RHBG: variants seen among roughly 807,000 people sequenced by gnomAD.
RHBG encodes the protein ammonium transporter Rh type B.
A neutral mutation model predicts 40.1 loss-of-function variants in RHBG; 39 were observed. The observed-to-expected ratio is 0.97, with a 90% CI of 0.75 to 1.27. RHBG has a LOEUF of 1.27. Ranked by LOEUF, RHBG falls within the 50% of genes most tolerant of loss-of-function variation. The pLI, the probability that RHBG is intolerant of heterozygous loss-of-function variation, is 0.00. For missense variants in RHBG, 549 were observed against 588.1 expected (o/e 0.93, Z 0.69); for synonymous variants, 237 against 252.5 (o/e 0.94, Z 0.58).
At chr1:156,380,319 C>G (rs1272390588) in intron 4 of RHBG, among the ~76,000 whole-genome samples, 1 of 151,888 alleles carries the variant, frequency 6.6e-6, no homozygotes, top group Non-Finnish European at 1.5e-5. Flanking sequence ...TTAGGCTGGT[C>G]TCGAACCCCG....
intron 4 of RHBG, among the ~76,000 whole-genome samples, chr1:156,380,853 T>G (rs1460478434): frequency 6.6e-6 from 1 of 152,162 alleles, no homozygotes; most frequent in Non-Finnish European, 1.5e-5. Context: ...CCATGGGCTA[T>G]GCATTTATGT....
At position 156,377,936 on chromosome 1, in the gene RHBG, C is replaced by T. The variant is rs1667328932; in HGVS notation, c.375-54C>T. On this transcript the variant is annotated intron_variant, in intron 2 of 9. Coordinates refer to ENST00000537040, the MANE Select transcript of RHBG (RefSeq NM_020407.5). The surrounding 1 kb of genome is among the most constrained non-coding windows in gnomAD (Gnocchi z 4.6). ...CCTGGCTTCATGCCAGGCAGGAACC[C>T]CGAGGCCAGCCTCTCTGACCCCTCT... 2.0e-6 allele frequency: 3 copies of T among 1,501,788 alleles called. No individual in the cohort carries two copies. Among genetic ancestry groups the T allele is most frequent in the Non-Finnish European group, 2.7e-6 (3 of 1,122,230 alleles). 93.0% of individuals were successfully genotyped at this position (1,501,788 alleles called of 1,614,324 possible).
rs1233866143 is a variant in RHBG at position 156,382,763 on chromosome 1, T to C, written c.1128T>C (p.Phe376=). 6.2e-7 allele frequency: 1 copy of C among 1,614,142 alleles called. No individual in the cohort carries two copies. The highest frequency in any genetic ancestry group is 1.1e-5 in the South Asian group (1 of 91,082). Residue 376 remains phenylalanine (F), a synonymous_variant, in exon 8 of 10, where the codon TTT becomes TTC. Transcript: ENST00000537040. ...EAYGDGLESV[F]PLIAEGQRSA... is the part of the protein sequence containing the mutation. ...CTCCCTGCAGCCTGGAGAGTGTGTT[T>C]CCACTCATAGCCGAGGGCCAGCGCA...
chr1:156,369,509 G>A (rs2101742636), intron 1 of RHBG, 73 bp downstream of exon 1: 1 of 1,445,000 alleles, frequency 6.9e-7, no homozygotes, highest in East Asian at 2.5e-5. Flanking sequence ...GTCTTGGGAG[G>A]GAGCATTTGG....
intron 8 of RHBG, 32 bp downstream of exon 8, chr1:156,382,901 G>T (rs574305184): frequency 1.9e-6 from 3 of 1,613,852 alleles, no homozygotes; most frequent in Non-Finnish European, 2.5e-6. Context: ...AGAGGAAGGG[G>T]CATGGGATCC....
At chr1:156,375,093 CAG>C (rs1667095959) in intron 1 of RHBG, among the ~76,000 whole-genome samples, 1 of 147,008 alleles carries the variant, frequency 6.8e-6, no homozygotes, top group African/African-American at 2.5e-5. Context: ...TTTTTTGAGA[CAG>C]AGTTTCGCTC....
rs949879394 is a variant in RHBG at position 156,381,424 on chromosome 1, G to A, written c.751G>A (p.Ala251Thr). ...GCTGGGGGCTGGGCAGCATCGGACGGCCCTCAACACATACTACTCCCTGGC... is the reference window on the plus strand; with the variant it reads ...GCTGGGGGCTGGGCAGCATCGGACGACCCTCAACACATACTACTCCCTGGC... ...TALGAGQHRT[A>T]LNTYYSLAAS... Residue 251 changes from alanine (A) to threonine (T), a missense_variant, in exon 5 of 10, where the codon GCC becomes ACC. Ala to Thr is a moderately conservative substitution (Grantham distance 58). Coordinates refer to ENST00000537040, the MANE Select transcript of RHBG (RefSeq NM_020407.5). 3.1e-6 allele frequency: 5 copies of A among 1,614,122 alleles called. No individual in the cohort carries two copies. In the East Asian group the frequency reaches 1.1e-4, roughly 36 times the overall value.
Position 156,377,227 on chromosome 1 carries a change from C to T in RHBG, c.188-74C>T. ...GGCTGGTGAGAGCCAGGGGCACTGG[C>T]AGGGTAGCTGACTGGATTGTGGGCT... is the stretch of plus-strand genomic sequence containing the variant. On this transcript the variant is annotated intron_variant, in intron 1 of 9. Transcript: ENST00000537040. This position sits in a 1 kb window ranked among gnomAD's most constrained non-coding sequence, Gnocchi z 4.6. 1 of 1,498,448 alleles carries T rather than the reference C, an allele frequency of 6.7e-7. No homozygotes were observed. The highest frequency in any genetic ancestry group is 9.2e-7 in the Non-Finnish European group (1 of 1,090,744). The allele number at this position is 1,498,448 out of a possible 1,614,324, so 92.8% of individuals were successfully genotyped here.
rs56353055 is a variant in RHBG at position 156,377,518 on chromosome 1, A to G, written c.374+31A>G. ...CAGCCGCCACCCACCCAGCTCCCCA[A>G]GGTTCACTCGGGAGGCCCCTGCCCA... On this transcript the variant is annotated intron_variant, in intron 2 of 9. Coordinates refer to ENST00000537040, the MANE Select transcript of RHBG (RefSeq NM_020407.5). This position sits in a 1 kb window ranked among gnomAD's most constrained non-coding sequence, Gnocchi z 4.6. The G allele has an allele frequency of 0.074, 117,518 of 1,590,714 alleles. 4,831 individuals are homozygous for G. Among genetic ancestry groups the G allele is most frequent in the African/African-American group, 0.13 (9,500 of 74,584 alleles).
chr1:156,381,510 C>G lies in RHBG; in HGVS notation c.837C>G (p.Asp279Glu), dbSNP rs774425821. 5 of 1,608,042 alleles carry G rather than the reference C, an allele frequency of 3.1e-6. No individual in the cohort carries two copies. The highest frequency in any genetic ancestry group is 4.2e-6 in the Non-Finnish European group (5 of 1,176,654). ...SALVGEDGRL[D>E]MVHIQNAALA... ...TTGTAGGGGAAGATGGGAGGCTTGA[C>G]ATGGTATGGGGAAGAGGACTTCAGA... The change falls in exon 5 of 10, where the codon GAC becomes GAG. Residue 279 changes from aspartate (D) to glutamate (E), a missense_variant. Physicochemically the swap from Asp to Glu is conservative, Grantham distance 45. Coordinates refer to ENST00000537040, the MANE Select transcript of RHBG (RefSeq NM_020407.5).
chr1:156,382,780 G>A lies in RHBG; in HGVS notation c.1145G>A (p.Gly382Asp), dbSNP rs1667752766. Residue 382 changes from glycine (G) to aspartate (D), a missense_variant, in exon 8 of 10, where the codon GGC (glycine) becomes GAC (aspartate). Physicochemically the swap from Gly to Asp is moderately conservative, Grantham distance 94. This residue lies in a region of RHBG where 399 missense variants were observed against 417.0 expected (regional missense o/e 0.96). Transcript: ENST00000537040. ...LESVFPLIAE[G>D]QRSATSQAMH... ...AGTGTGTTTCCACTCATAGCCGAGGGCCAGCGCAGTGCCACGTCACAGGCC... is the reference window on the plus strand; with the variant it reads ...AGTGTGTTTCCACTCATAGCCGAGGACCAGCGCAGTGCCACGTCACAGGCC... 2 of 1,614,092 alleles carry A rather than the reference G, an allele frequency of 1.2e-6. No homozygotes were observed. The highest frequency in any genetic ancestry group is 2.2e-5 in the East Asian group (1 of 44,896).
At position 156,377,899 on chromosome 1, in the gene RHBG, A is replaced by G. The variant is rs1324154493; in HGVS notation, c.375-91A>G. 1.1e-6 allele frequency: 1 copy of G among 939,614 alleles called. No homozygotes were observed. The highest frequency in any genetic ancestry group is 1.7e-5 in the African/African-American group (1 of 59,716). 58.2% of individuals were successfully genotyped at this position (939,614 alleles called of 1,614,324 possible). ...GAACTCCAACCCCACCCCACCCACC[A>G]CATCATGCTGTCCTGGCTTCATGCC... On this transcript the variant is annotated intron_variant, in intron 2 of 9. Transcript: ENST00000537040. This position sits in a 1 kb window ranked among gnomAD's most constrained non-coding sequence, Gnocchi z 4.6.
At chr1:156,373,762 C>G (rs1271957986) in intron 1 of RHBG, among the ~76,000 whole-genome samples, 1 of 152,126 alleles carries the variant, frequency 6.6e-6, no homozygotes, top group Non-Finnish European at 1.5e-5. Flanking sequence ...AGCCCTTGGA[C>G]CCAACACCCT....
At chr1:156,370,040 C>T (rs1241750029) in intron 1 of RHBG, among the ~76,000 whole-genome samples, 2 of 152,140 alleles carry the variant, frequency 1.3e-5, no homozygotes, top group Non-Finnish European at 2.9e-5. Context: ...GGCAACTGGC[C>T]AGTCGTGGTG....
rs756696678 is a variant in RHBG at position 156,381,435 on chromosome 1, A to T, written c.762A>T (p.Thr254=). 1.1e-5 allele frequency: 18 copies of T among 1,613,860 alleles called. No homozygotes were observed. Among genetic ancestry groups the T allele is most frequent in the Non-Finnish European group, 1.5e-5 (18 of 1,180,008 alleles). ...GGCAGCATCGGACGGCCCTCAACAC[A>T]TACTACTCCCTGGCTGCCAGCACCC... ...GAGQHRTALN[T]YYSLAASTLG... is the part of the protein sequence containing the mutation. The change falls in exon 5 of 10, where the codon ACA becomes ACT. Residue 254 remains threonine (T), a synonymous_variant. Coordinates refer to ENST00000537040, the MANE Select transcript of RHBG (RefSeq NM_020407.5).
At chr1:156,381,680 A>G (rs1667647625) in intron 5 of RHBG, 126 bp from the exon 6 acceptor site, 1 of 1,406,572 alleles carries the variant, frequency 7.1e-7, no homozygotes, top group South Asian at 1.4e-5. Flanking sequence ...ATATGGTAGC[A>G]GGACAATGAG....
intron 5 of RHBG, 114 bp from the exon 6 acceptor site, chr1:156,381,692 G>A: frequency 6.9e-7 from 1 of 1,439,692 alleles, no homozygotes; most frequent in Non-Finnish European, 9.4e-7. Context: ...GACAATGAGA[G>A]GTTAGATGGC....
chr1:156,375,429 T>C (rs1667125344), intron 1 of RHBG, among the ~76,000 whole-genome samples: 1 of 150,070 alleles, frequency 6.7e-6, no homozygotes, highest in Non-Finnish European at 1.5e-5. Context: ...GCTAACTCAT[T>C]TCCTATCTGC....
intron 1 of RHBG, among the ~76,000 whole-genome samples, chr1:156,375,505 G>T (rs1051174458): frequency 2.6e-5 from 4 of 151,308 alleles, no homozygotes; most frequent in African/African-American, 9.7e-5. Context: ...GTTACTGATT[G>T]CATTCTAAAG....
Sources: allele counts gnomAD v4.1 joint callset (sites outside exome capture counted in the v4.1 genomes callset), GRCh38; gene constraint gnomAD v4.1.1; regional missense constraint gnomAD v4.1.1; non-coding constraint Gnocchi (gnomAD v3.1); transcripts MANE v1.5; gene names NCBI Gene and HGNC (gene_info 2026-07-23, HGNC 2026-07-21).